The following PCNT variants were observed in gnomAD, a reference collection of about 807,000 sequenced individuals.
The protein encoded by PCNT is kendrin.
Under a neutral mutation model 380.4 loss-of-function variants are expected in PCNT, and 319 were observed. That is an observed-to-expected ratio of 0.84 (90% CI 0.77 to 0.92). The LOEUF is 0.92. Ranked by LOEUF, PCNT falls within the 40% of genes least tolerant of loss-of-function variation. The probability of loss-of-function intolerance (pLI) is 0.00; values close to 1 mark genes in which losing one functional copy is unlikely to be tolerated. For missense variants in PCNT, 4,400 were observed against 4,255.3 expected, an observed-to-expected ratio of 1.03 and a Z score of -0.95; for synonymous variants, 1,845 against 1,735.2, an observed-to-expected ratio of 1.06 and a Z score of -1.57.
At chr21:46,426,021 G>C (rs1278558803) in intron 33 of PCNT, 50 bp downstream of exon 33, 1 of 1,584,164 alleles carries the variant, frequency 6.3e-7, no homozygotes, top group African/African-American at 1.4e-5. Context: ...TAAGGAGCTT[G>C]TGGTAATGGC....
intron 15 of PCNT, among the ~76,000 whole-genome samples, chr21:46,377,353 C>T (rs1010041781): frequency 4.6e-5 from 7 of 152,250 alleles, no homozygotes; most frequent in African/African-American, 1.2e-4. Flanking sequence ...CTGTCCTTTC[C>T]TGCCTGCTAA....
In PCNT at chr21:46,334,717, G is replaced by T; in HGVS notation, c.588G>T (p.Gly196=). The part of the protein sequence containing the change: ...TVSDHTPEQR[G]IFTISDHPAE... ...GTGACCACACACCAGAACAGCGTGG[G>T]ATCTTCACAATCAGTGACCACCCAG... The change falls in exon 3 of 47, where the codon GGG becomes GGT. Residue 196 remains glycine, a synonymous_variant. Transcript: ENST00000359568. 1 of 1,613,974 alleles carries T rather than the reference G, an allele frequency of 6.2e-7. No homozygotes were observed. Among genetic ancestry groups the T allele is most frequent in the Non-Finnish European group, 8.5e-7 (1 of 1,179,838 alleles).
At position 46,399,935 on chromosome 21, in the gene PCNT, A is replaced by G. The variant is rs535241869; in HGVS notation, c.4791+139A>G. 4 of 786,290 alleles carry G rather than the reference A, an allele frequency of 5.1e-6. No homozygotes were observed. In the East Asian group the frequency reaches 9.7e-5, roughly 19 times the overall value. 48.7% of individuals were successfully genotyped at this position (786,290 alleles called of 1,614,324 possible). ...CGTCTGCACCAGAAACACTGGCGTC[A>G]GGGAGAAACAGAAGTCATTGGTGAC... On this transcript the variant is annotated intron_variant, in intron 25 of 46. Transcript: ENST00000359568.
intron 34 of PCNT, 136 bp from the exon 35 acceptor site, chr21:46,428,259 C>A: frequency 3.7e-6 from 3 of 815,742 alleles, no homozygotes; most frequent in African/African-American, 3.4e-5. Flanking sequence ...AGCTGAGGCC[C>A]AGCAGATACT....
At chr21:46,400,622 G>A (rs1026621853) in intron 25 of PCNT, among the ~76,000 whole-genome samples, 5 of 143,004 alleles carry the variant, frequency 3.5e-5, no homozygotes, top group South Asian at 2.4e-4. Flanking sequence ...GGGTTCAAGC[G>A]ATCTCTCCTA....
chr21:46,357,199 G>A lies in PCNT; in HGVS notation c.2154+8G>A, dbSNP rs778407564. On this transcript the variant is annotated splice_region_variant and intron_variant, in intron 13 of 46. Coordinates refer to ENST00000359568, the MANE Select transcript of PCNT (RefSeq NM_006031.6). Reference sequence around the variant, plus strand: ...AAGGACGATTTGGAGAAGGTGAGTCGTGACTCCACAGCCCAGCGCCTCCCG... The same window carrying A: ...AAGGACGATTTGGAGAAGGTGAGTCATGACTCCACAGCCCAGCGCCTCCCG... 2.5e-5 allele frequency: 40 copies of A among 1,581,682 alleles called. No homozygotes were observed. The highest frequency in any genetic ancestry group is 6.7e-5 in the East Asian group (3 of 44,750).
chr21:46,366,437 G>A, intron 14 of PCNT, 147 bp from the exon 15 acceptor site: 1 of 726,640 alleles, frequency 1.4e-6, no homozygotes, highest in Non-Finnish European at 2.5e-6. Context: ...GGTGGTCGAG[G>A]GAAAAGTAGT....
At chr21:46,412,155 A>C in intron 28 of PCNT, 88 bp downstream of exon 28, 1 of 1,447,670 alleles carries the variant, frequency 6.9e-7, no homozygotes. Flanking sequence ...TGCGCTGGGC[A>C]CTGGGGGCTG....
In PCNT at chr21:46,401,666, G is replaced by T; in HGVS notation, c.4907G>T (p.Gly1636Val). ...PEPPSGSPPE[G>V]PEIQLEVTQR... The stretch of plus-strand genomic sequence containing the variant: ...CCTCCTTCGGGCAGCCCTCCTGAGG[G>T]TCCAGAAATACAGTTAGAGGTGACA... Residue 1636 changes from glycine to valine, a missense_variant, in exon 26 of 47, where the codon GGT (glycine) becomes GTT (valine). Physicochemically the swap from Gly to Val is moderately radical, Grantham distance 109. Coordinates refer to ENST00000359568, the MANE Select transcript of PCNT (RefSeq NM_006031.6). The T allele has an allele frequency of 9.3e-6, 15 of 1,614,082 alleles. No individual in the cohort carries two copies. The highest frequency in any genetic ancestry group is 1.3e-5 in the Non-Finnish European group (15 of 1,180,012).
intron 1 of PCNT, among the ~76,000 whole-genome samples, chr21:46,324,695 C>T (rs1302717602): frequency 1.3e-5 from 2 of 151,954 alleles, no homozygotes; most frequent in Non-Finnish European, 2.9e-5. Context: ...CAGGCTGGAT[C>T]TTCCAGTGGC....
chr21:46,438,392 A>G, intron 41 of PCNT, 55 bp downstream of exon 41: 1 of 1,541,236 alleles, frequency 6.5e-7, no homozygotes, highest in South Asian at 1.1e-5. Flanking sequence ...CATGGTCCAG[A>G]GCAGCTCCAC....
At chr21:46,371,637 G>C (rs2085130199) in intron 15 of PCNT, among the ~76,000 whole-genome samples, 1 of 152,222 alleles carries the variant, frequency 6.6e-6, no homozygotes, top group Non-Finnish European at 1.5e-5. Flanking sequence ...GCCTGGCTGA[G>C]GTCCCCTGCC....
At chr21:46,389,534 G>A in intron 19 of PCNT, 103 bp downstream of exon 19, 1 of 880,424 alleles carries the variant, frequency 1.1e-6, no homozygotes, top group Non-Finnish European at 1.8e-6. Context: ...GCTCGCACGG[G>A]TTTCTCCCCA....
rs140764460 is a variant in PCNT, at chr21:46,366,933, A to C, written c.2959A>C (p.Arg987=). 1.2e-6 allele frequency: 2 copies of C among 1,614,238 alleles called. No individual in the cohort carries two copies. The highest frequency in any genetic ancestry group is 1.7e-6 in the Non-Finnish European group (2 of 1,180,040). Residue 987 remains arginine (R), a synonymous_variant, in exon 15 of 47, where the codon AGG becomes CGG. Coordinates refer to ENST00000359568, the MANE Select transcript of PCNT (RefSeq NM_006031.6). The stretch of plus-strand genomic sequence containing the variant: ...ATTTCAGACCATCCGTGAGGAGCAC[A>C]GGCAGGCCCTAGAGCTCTTACGAGC... ...SEFQTIREEH[R]QALELLRADF...
intron 44 of PCNT, 132 bp downstream of exon 44, chr21:46,442,705 C>T (rs571468796): frequency 1.9e-5 from 14 of 725,236 alleles, no homozygotes; most frequent in South Asian, 4.5e-5. Context: ...CCGTGAATTC[C>T]GTCAGAGCAG....
chr21:46,366,660 C>G lies in PCNT; in HGVS notation c.2686C>G (p.Gln896Glu). Residue 896 changes from glutamine (Q) to glutamate (E), a missense_variant, in exon 15 of 47, where the codon CAG (glutamine) becomes GAG (glutamate). By Grantham distance (29) the Gln-to-Glu change is conservative. Transcript: ENST00000359568. ...QDAFLQEAQE[Q>E]HARELQLLQE... is the part of the protein sequence containing the mutation. ...TGCCTTCCTGCAGGAGGCCCAGGAG[C>G]AGCATGCCCGTGAGCTGCAGCTCCT... 1 of 1,613,914 alleles carries G rather than the reference C, an allele frequency of 6.2e-7. No individual in the cohort carries two copies.
chr21:46,330,273 A>G (rs1227925584), intron 2 of PCNT, among the ~76,000 whole-genome samples: 4 of 151,854 alleles, frequency 2.6e-5, no homozygotes, highest in Admixed American at 2.6e-4. Context: ...ATGTGCCACC[A>G]TACCTGGCTA....
intron 21 of PCNT, among the ~76,000 whole-genome samples, chr21:46,392,203 T>C (rs1276009074): frequency 6.6e-6 from 1 of 152,138 alleles, no homozygotes; most frequent in African/African-American, 2.4e-5. Flanking sequence ...TGTGATTCCT[T>C]GTTCCTATGG....
At chr21:46,408,233 G>C (rs986565562) in intron 27 of PCNT, among the ~76,000 whole-genome samples, 1 of 152,190 alleles carries the variant, frequency 6.6e-6, no homozygotes, top group Non-Finnish European at 1.5e-5. Flanking sequence ...GCTGTCGCCT[G>C]TGTCTGTTCC....
Sources: gnomAD v4.1 joint callset for allele counts (sites outside exome capture counted in the v4.1 genomes callset) on GRCh38, gnomAD v4.1.1 for gene constraint, MANE v1.5 for transcripts, NCBI Gene and HGNC (gene_info 2026-07-23, HGNC 2026-07-21) for gene names.